CNTN4: variants seen among roughly 807,000 people sequenced by gnomAD.
CNTN4 encodes the protein contactin 4.
CNTN4 carries 77 observed loss-of-function variants against 122.5 expected under a neutral mutation model. The observed-to-expected ratio is 0.63, with a 90% CI of 0.52 to 0.76. CNTN4 has a LOEUF of 0.76. CNTN4 is among the 30% of genes least tolerant of loss of function. The pLI, the probability that CNTN4 is intolerant of heterozygous loss-of-function variation, is 0.00. For missense variants in CNTN4, 1,256 were observed against 1,259.1 expected (o/e 1.00, Z 0.04); for synonymous variants, 512 against 447.0 (o/e 1.15, Z -1.83).
chr3:2,182,896 C>G (rs2037082010), intron 2 of CNTN4, among the ~76,000 whole-genome samples: 1 of 151,360 alleles, frequency 6.6e-6, no homozygotes, highest in South Asian at 2.1e-4. Context: ...AGCAGGTGCT[C>G]TCTTCTTTGT....
chr3:2,961,612 C>G (rs1357569871), intron 13 of CNTN4, among the ~76,000 whole-genome samples: 1 of 152,136 alleles, frequency 6.6e-6, no homozygotes, highest in Non-Finnish European at 1.5e-5. Context: ...CTGCTAGAGA[C>G]AACATACCCA....
intron 4 of CNTN4, among the ~76,000 whole-genome samples, chr3:2,669,187 T>C (rs2084350216): frequency 1.3e-5 from 2 of 152,212 alleles, no homozygotes; most frequent in African/African-American, 2.4e-5. Context: ...TCCTTGTACC[T>C]CTGGTAGAAT....
Position 3,056,392 on chromosome 3 carries a change from C to A in CNTN4, c.*172C>A, listed in dbSNP as rs553628297. The stretch of plus-strand genomic sequence containing the variant: ...TATACAGTACTTCCTCAAAGCAAAT[C>A]TAGCTTTGTCTGAAGTTTCTTTGGA... On this transcript the variant is annotated 3_prime_UTR_variant, in exon 25 of 25. Transcript: ENST00000418658. 2 of 591,438 alleles carry A rather than the reference C, an allele frequency of 3.4e-6. No individual in the cohort carries two copies. The highest frequency in any genetic ancestry group is 1.9e-5 in the African/African-American group (1 of 53,792). The allele number at this position is 591,438 out of a possible 1,614,324, so 36.6% of individuals were successfully genotyped here. A position where few individuals can be genotyped will look rare whatever the true frequency, so the allele number is the denominator to read the frequency against.
chr3:2,653,949 G>T (rs894511717), intron 4 of CNTN4, among the ~76,000 whole-genome samples: 2 of 152,192 alleles, frequency 1.3e-5, no homozygotes, highest in African/African-American at 2.4e-5. Context: ...CTAGAAAACA[G>T]TAAGTTTGGG....
Position 2,819,529 on chromosome 3 carries a change from C to A in CNTN4, c.402C>A (p.Val134=). 6.2e-7 allele frequency: 1 copy of A among 1,614,138 alleles called. No individual in the cohort carries two copies. The highest frequency in any genetic ancestry group is 8.5e-7 in the Non-Finnish European group (1 of 1,179,984). ...FKTRTRSTVS[V]RRGQGMVLLC... Reference sequence around the variant, plus strand: ...CAAGAACAAGAAGCACTGTGTCTGTCCGTCGAGGTCAAGGAATGGTGCTAC... The same window carrying A: ...CAAGAACAAGAAGCACTGTGTCTGTACGTCGAGGTCAAGGAATGGTGCTAC... Residue 134 remains valine, a synonymous_variant, in exon 7 of 25, where the codon GTC becomes GTA. Transcript: ENST00000418658.
chr3:2,546,879 C>T (rs959068705), intron 3 of CNTN4, among the ~76,000 whole-genome samples: 28 of 151,966 alleles, frequency 1.8e-4, no homozygotes, highest in South Asian at 8.3e-4. Flanking sequence ...AATTTCATTC[C>T]GAGCGGATGT....
At chr3:2,697,581 A>G (rs1051191360) in intron 4 of CNTN4, among the ~76,000 whole-genome samples, 4 of 152,216 alleles carry the variant, frequency 2.6e-5, no homozygotes, top group African/African-American at 7.2e-5. Flanking sequence ...ACAGACAGCA[A>G]AAGACAATGG....
intron 12 of CNTN4, among the ~76,000 whole-genome samples, chr3:2,925,338 G>A (rs999919040): frequency 1.4e-4 from 22 of 151,968 alleles, no homozygotes; most frequent in Non-Finnish European, 5.9e-5. Context: ...GGCGGATCAC[G>A]AGGTCAAGAG....
At chr3:2,490,408 G>A (rs1377739368) in intron 3 of CNTN4, among the ~76,000 whole-genome samples, 3 of 152,152 alleles carry the variant, frequency 2.0e-5, no homozygotes, top group Non-Finnish European at 2.9e-5. Flanking sequence ...ACTAATAATT[G>A]TCTTTGGTAA....
At chr3:2,221,386 A>G (rs1020550355) in intron 2 of CNTN4, among the ~76,000 whole-genome samples, 2 of 152,028 alleles carry the variant, frequency 1.3e-5, no homozygotes, top group Non-Finnish European at 2.9e-5. Flanking sequence ...ACCTCACACC[A>G]TATACAAATA....
chr3:2,330,655 G>T (rs35404174), intron 2 of CNTN4, among the ~76,000 whole-genome samples: 9,949 of 152,246 alleles, frequency 0.065, 401 homozygotes, highest in Middle Eastern at 0.078. Context: ...TTTGTGGAAG[G>T]TCACTCAGCT....
intron 6 of CNTN4, among the ~76,000 whole-genome samples, chr3:2,797,471 G>A (rs548293139): frequency 7.2e-5 from 11 of 152,232 alleles, no homozygotes; most frequent in East Asian, 1.9e-4. Flanking sequence ...GGTGGTGGGC[G>A]CCTGTAATCC....
At position 2,273,649 on chromosome 3, in the gene CNTN4, G is replaced by A. The variant is rs76830664; in HGVS notation, c.-144-65529G>A. On this transcript the variant is annotated intron_variant, in intron 2 of 24. Coordinates refer to ENST00000418658, the MANE Select transcript of CNTN4 (RefSeq NM_175607.3). ...AAATTTAATTGACTGAGCCTGCCTA[G>A]TAAAGGAAATCTTTGTCATGCCAGT... Among the ~76,000 whole-genome samples, 882 of 152,242 alleles carry A rather than the reference G, an allele frequency of 5.8e-3. 7 individuals are homozygous for A. Among genetic ancestry groups the A allele is most frequent in the African/African-American group, 0.02 (837 of 41,552 alleles).
At chr3:2,677,328 G>GT (rs2084912788) in intron 4 of CNTN4, among the ~76,000 whole-genome samples, 1 of 130,408 alleles carries the variant, frequency 7.7e-6, no homozygotes, top group Non-Finnish European at 1.6e-5. Flanking sequence ...AACCCATTGA[G>GT]ATTTTTTTTT....
At chr3:2,631,296 A>G (rs550208014) in intron 4 of CNTN4, among the ~76,000 whole-genome samples, 80 of 152,318 alleles carry the variant, frequency 5.3e-4, no homozygotes, top group African/African-American at 1.9e-3. Flanking sequence ...TTATTATGTA[A>G]TAGCCATATG....
chr3:3,054,905 C>G (rs1377115038), intron 24 of CNTN4, among the ~76,000 whole-genome samples: 2 of 152,146 alleles, frequency 1.3e-5, no homozygotes, highest in African/African-American at 4.8e-5. Context: ...TAGACTTTCA[C>G]AGGCTTTCAG....
chr3:2,446,383 A>G (rs548705745), intron 3 of CNTN4, among the ~76,000 whole-genome samples: 1 of 152,306 alleles, frequency 6.6e-6, no homozygotes, highest in East Asian at 1.9e-4. Flanking sequence ...GATGTTAATG[A>G]GATTTGAGTG....
chr3:2,563,835 A>T (rs2079052606), intron 3 of CNTN4, among the ~76,000 whole-genome samples: 1 of 152,122 alleles, frequency 6.6e-6, no homozygotes, highest in Non-Finnish European at 1.5e-5. Context: ...GCTATGATAG[A>T]ATGTTTAGGA....
intron 2 of CNTN4, among the ~76,000 whole-genome samples, chr3:2,198,076 C>T (rs377673485): frequency 1.9e-4 from 29 of 150,882 alleles, no homozygotes; most frequent in South Asian, 4.2e-4. Context: ...ATTCTCTTGA[C>T]GGGAACAGTA....
Sources: gnomAD v4.1 joint callset for allele counts (sites outside exome capture counted in the v4.1 genomes callset) on GRCh38, gnomAD v4.1.1 for gene constraint, MANE v1.5 for transcripts, NCBI Gene and HGNC (gene_info 2026-07-23, HGNC 2026-07-21) for gene names.